The following EFCAB12 variants were observed in gnomAD, a reference collection of about 807,000 sequenced individuals.
EFCAB12 encodes the protein EF-hand calcium binding domain 12, also known as EF-hand calcium-binding domain-containing protein 12.
Under a neutral mutation model 53.6 loss-of-function variants are expected in EFCAB12, and 43 were observed. The ratio of observed to expected loss-of-function variants is 0.80; its 90% CI spans 0.63 to 1.03. The LOEUF is 1.03. EFCAB12 is among the 50% of genes least tolerant of loss of function. The pLI, the probability that EFCAB12 is intolerant of heterozygous loss-of-function variation, is 0.00. For missense variants in EFCAB12, 646 were observed against 730.6 expected (o/e 0.88, Z 1.34); for synonymous variants, 269 against 289.2 (o/e 0.93, Z 0.71).
At chr3:129,422,284 G>A (rs750002140) in intron 1 of EFCAB12, among the ~76,000 whole-genome samples, 1 of 152,162 alleles carries the variant, frequency 6.6e-6, no homozygotes, top group Non-Finnish European at 1.5e-5. Context: ...TTTATCGGAT[G>A]GGAGTGATGT....
At chr3:129,413,783 C>G (rs924064635) in intron 4 of EFCAB12, 1 of 152,062 alleles carries the variant, frequency 6.6e-6, no homozygotes, top group East Asian at 1.9e-4. Flanking sequence ...TCTTACACAC[C>G]CCAGTCTACC....
At chr3:129,402,476 C>T in intron 8 of EFCAB12, 47 bp downstream of exon 8, 1 of 1,587,062 alleles carries the variant, frequency 6.3e-7, no homozygotes, top group Non-Finnish European at 8.6e-7. Context: ...CGAAGCTGCC[C>T]CTCCTCCCAC....
At chr3:129,411,378 A>G (rs1289815689) in intron 4 of EFCAB12, 24 bp from the exon 5 acceptor site, 2 of 1,544,342 alleles carry the variant, frequency 1.3e-6, no homozygotes, top group Non-Finnish European at 1.8e-6. Flanking sequence ...GAAGAGATGA[A>G]GGAAGGAGGG....
chr3:129,418,153 C>A, intron 3 of EFCAB12, 101 bp downstream of exon 3: 1 of 1,183,434 alleles, frequency 8.4e-7, no homozygotes, highest in East Asian at 2.6e-5. Context: ...CTCAGTTGAA[C>A]CAGAACCCAG....
Position 129,418,381 on chromosome 3 carries a change from G to C in EFCAB12, c.554C>G (p.Pro185Arg), listed in dbSNP as rs775899932. The change falls in exon 3 of 9, where the codon CCT (proline) becomes CGT (arginine). Residue 185 changes from proline (P) to arginine (R), a missense_variant. Physicochemically the swap from Pro to Arg is moderately radical, Grantham distance 103. Transcript: ENST00000505956. The stretch of plus-strand genomic sequence containing the variant: ...GTAGGAGTACATGACCGACAGGGCA[G>C]GGGGCTCGGGCAGCTGGAGCTGGGG... ...MVPQLQLPEP[P>R]ALSVMYSYLH... 2.5e-6 allele frequency: 4 copies of C among 1,613,408 alleles called. No individual in the cohort carries two copies. The highest frequency in any genetic ancestry group is 3.4e-6 in the Non-Finnish European group (4 of 1,179,654).
chr3:129,426,330 C>A (rs2072269931), intron 1 of EFCAB12, among the ~76,000 whole-genome samples: 1 of 150,746 alleles, frequency 6.6e-6, no homozygotes, highest in African/African-American at 2.4e-5. Flanking sequence ...AAAACATCTC[C>A]ACTTGGATGG....
chr3:129,411,056 C>T (rs2107737764), intron 5 of EFCAB12, 102 bp downstream of exon 5: 1 of 1,327,718 alleles, frequency 7.5e-7, no homozygotes, highest in South Asian at 1.5e-5. Flanking sequence ...GAAGACCCCC[C>T]TCCCCAGGGT....
chr3:129,407,134 G>A (rs140773588), intron 6 of EFCAB12, among the ~76,000 whole-genome samples: 34 of 152,330 alleles, frequency 2.2e-4, no homozygotes, highest in African/African-American at 8.2e-4. Context: ...GGACACACAA[G>A]AGAGACAACA....
rs1297307993 is a variant in EFCAB12, at chr3:129,401,964, C to T, written c.1461-113G>A. On this transcript the variant is annotated intron_variant, in intron 8 of 8. Transcript: ENST00000505956. ...AGTGGAGATTTAGCACTGTGCCAAGCACTTCAGCACCTCAGTCCTCCCCAC... is the reference window on the plus strand; with the variant it reads ...AGTGGAGATTTAGCACTGTGCCAAGTACTTCAGCACCTCAGTCCTCCCCAC... The T allele has an allele frequency of 3.6e-6, 5 of 1,392,270 alleles. No individual in the cohort carries two copies. In the African/African-American group the frequency reaches 5.8e-5, roughly 16 times the overall value. The allele number at this position is 1,392,270 out of a possible 1,614,324, so 86.2% of individuals were successfully genotyped here.
intron 7 of EFCAB12, chr3:129,402,806 G>C (rs2071891315): frequency 7.5e-6 from 4 of 533,882 alleles, no homozygotes; most frequent in Non-Finnish European, 1.3e-5. Context: ...ATCTGGCCAG[G>C]TGACCTGGGC....
chr3:129,416,450 A>C (rs948844405), intron 3 of EFCAB12, among the ~76,000 whole-genome samples: 15 of 146,806 alleles, frequency 1.0e-4, no homozygotes, highest in East Asian at 3.9e-4. Flanking sequence ...AACAAACAAA[A>C]AAATGAACTC....
chr3:129,411,492 C>G (rs2072040200), intron 4 of EFCAB12, 138 bp from the exon 5 acceptor site: 6 of 801,896 alleles, frequency 7.5e-6, no homozygotes, highest in Non-Finnish European at 9.5e-6. Context: ...CTGGGCAGTG[C>G]CCACCTAAGC....
At chr3:129,413,319 A>G (rs1029730541) in intron 4 of EFCAB12, 5 of 152,226 alleles carry the variant, frequency 3.3e-5, no homozygotes, top group African/African-American at 9.7e-5. Context: ...TTCTAACTAT[A>G]AGCAGCCAGA....
chr3:129,425,918 A>G (rs1250801577), intron 1 of EFCAB12, among the ~76,000 whole-genome samples: 1 of 152,166 alleles, frequency 6.6e-6, no homozygotes, highest in African/African-American at 2.4e-5. Flanking sequence ...CTGCTAGAAA[A>G]TATTTCCTTA....
chr3:129,411,553 C>A (rs1047260144), intron 4 of EFCAB12, 199 bp from the exon 5 acceptor site: 2 of 501,866 alleles, frequency 4.0e-6, no homozygotes, highest in Admixed American at 3.8e-5. Flanking sequence ...CCACTAATGG[C>A]GTCCCTTACT....
intron 2 of EFCAB12, among the ~76,000 whole-genome samples, chr3:129,418,917 T>C (rs2072155248): frequency 6.6e-6 from 1 of 152,192 alleles, no homozygotes; most frequent in Admixed American, 6.5e-5. Flanking sequence ...AAAGGGCATA[T>C]TTTGTAATGG....
chr3:129,418,077 GTT>G (rs2072140533), intron 3 of EFCAB12, among the ~76,000 whole-genome samples, 175 bp downstream of exon 3: 1 of 151,948 alleles, frequency 6.6e-6, no homozygotes, highest in Non-Finnish European at 1.5e-5. Flanking sequence ...TTGGCCACAA[GTT>G]AATCCATATT....
intron 3 of EFCAB12, among the ~76,000 whole-genome samples, chr3:129,417,870 A>G (rs1303335351): frequency 6.8e-6 from 1 of 146,424 alleles, no homozygotes; most frequent in African/African-American, 2.5e-5. Context: ...TTTCGACAGG[A>G]CACCCATGTA....
chr3:129,427,448 C>T (rs539287432), intron 1 of EFCAB12, among the ~76,000 whole-genome samples: 2 of 152,248 alleles, frequency 1.3e-5, no homozygotes, highest in South Asian at 2.1e-4. Flanking sequence ...TCTTTATTTG[C>T]CTCTTCTGTG....
Sources: gnomAD v4.1 joint callset for allele counts (sites outside exome capture counted in the v4.1 genomes callset) on GRCh38, gnomAD v4.1.1 for gene constraint, MANE v1.5 for transcripts, NCBI Gene and HGNC (gene_info 2026-07-23, HGNC 2026-07-21) for gene names.